The following OSBPL9 variants were observed in gnomAD, a reference collection of about 807,000 sequenced individuals.
The protein encoded by OSBPL9 is oxysterol-binding protein-related protein 9.
In OSBPL9, 40 loss-of-function variants were observed where a neutral mutation model predicts 106.6. The ratio of observed to expected loss-of-function variants is 0.38; its 90% CI spans 0.29 to 0.49. The LOEUF (loss-of-function observed/expected upper bound fraction) is 0.49. OSBPL9 is among the 20% of genes least tolerant of loss of function. The pLI, the probability that OSBPL9 is intolerant of heterozygous loss-of-function variation, is 0.97. For synonymous variants in OSBPL9, 269 were observed against 295.4 expected (o/e 0.91, Z 0.92); for missense variants, 609 against 887.2 (o/e 0.69, Z 3.98).
At chr1:51,616,003 G>GTTTTTTTTTTT (rs764823727), upstream of OSBPL9, among the ~76,000 whole-genome samples, 6 of 104,506 alleles carry the variant, frequency 5.7e-5, no homozygotes, top group Admixed American at 1.2e-4. Flanking sequence ...AAATCCTTTG[G>GTTTTTTTTTTT]TTTTTTTTTT....
intron 3 of OSBPL9, among the ~76,000 whole-genome samples, chr1:51,711,988 A>G (rs1363809873): frequency 1.2e-4 from 17 of 138,712 alleles, no homozygotes; most frequent in East Asian, 6.7e-4. Context: ...AGGCAGAGAC[A>G]CTCCTCACTT....
At chr1:51,717,260 C>T (rs1023257593) in intron 4 of OSBPL9, among the ~76,000 whole-genome samples, 2 of 152,208 alleles carry the variant, frequency 1.3e-5, no homozygotes, top group African/African-American at 4.8e-5. Context: ...AGCCACCATT[C>T]CCAGCCATGT....
chr1:51,616,854 TTACTC>T (rs1376996413), upstream of OSBPL9: 8 of 422,066 alleles, frequency 1.9e-5, no homozygotes, highest in African/African-American at 4.0e-5. Context: ...TCTTTTTTCT[TTACTC>T]TAATCCCATG....
At chr1:51,682,686 G>C (rs867975916) in intron 3 of OSBPL9, among the ~76,000 whole-genome samples, 1 of 151,050 alleles carries the variant, frequency 6.6e-6, no homozygotes, top group African/African-American at 2.4e-5. Context: ...GAACCCAGGA[G>C]GGGGAAGTTG....
chr1:51,739,212 A>G (rs1255993536), intron 4 of OSBPL9, among the ~76,000 whole-genome samples: 2 of 151,986 alleles, frequency 1.3e-5, no homozygotes, highest in Non-Finnish European at 1.5e-5. Context: ...AGAAAAGTAT[A>G]ATGGATTTGG....
At chr1:51,686,878 AAT>A (rs1312948301) in intron 3 of OSBPL9, among the ~76,000 whole-genome samples, 2 of 152,324 alleles carry the variant, frequency 1.3e-5, no homozygotes, top group South Asian at 2.1e-4. Context: ...GAAACAAACC[AAT>A]ATGTTTTCTC....
intron 12 of OSBPL9, among the ~76,000 whole-genome samples, chr1:51,768,625 T>C (rs72900015): frequency 6.6e-6 from 1 of 152,380 alleles, no homozygotes; most frequent in African/African-American, 2.4e-5. Flanking sequence ...CAGTAAAAGC[T>C]TGATAATATG....
chr1:51,652,576 T>A (rs773841502), intron 2 of OSBPL9, among the ~76,000 whole-genome samples: 2 of 152,228 alleles, frequency 1.3e-5, no homozygotes, highest in Non-Finnish European at 2.9e-5. Context: ...TCTGAAATAT[T>A]GTTATTTTAA....
chr1:51,760,598 A>G (rs535349074), intron 9 of OSBPL9, 92 bp from the exon 10 acceptor site: 1 of 1,574,380 alleles, frequency 6.4e-7, no homozygotes, highest in East Asian at 2.3e-5. Flanking sequence ...AGCTACCCTC[A>G]GGATTTTGAA....
chr1:51,587,177 C>T (rs1645251433), intron 1 of OSBPL9, among the ~76,000 whole-genome samples: 1 of 152,126 alleles, frequency 6.6e-6, no homozygotes, highest in Non-Finnish European at 1.5e-5. Context: ...ACTGGCCTGG[C>T]CAACATGAGA....
chr1:51,521,397 T>C, the OSBPL9 span, among the ~76,000 whole-genome samples: 2 of 152,174 alleles, frequency 1.3e-5, no homozygotes, highest in Admixed American at 1.3e-4. Context: ...TCCTCTCAGA[T>C]GAATAAGGTG....
chr1:51,731,692 G>A (rs536151019), intron 4 of OSBPL9, among the ~76,000 whole-genome samples: 2 of 150,598 alleles, frequency 1.3e-5, no homozygotes, highest in South Asian at 4.2e-4. Context: ...CAGGAGAATC[G>A]CATAAACCCT....
chr1:51,738,458 T>C (rs141805951), intron 4 of OSBPL9, among the ~76,000 whole-genome samples: 11 of 152,122 alleles, frequency 7.2e-5, no homozygotes, highest in African/African-American at 2.6e-4. Flanking sequence ...AATTAGATTC[T>C]TTTATGAAAA....
the OSBPL9 span, chr1:51,569,854 G>C: frequency 6.6e-6 from 1 of 152,136 alleles, no homozygotes; most frequent in South Asian, 2.1e-4. Flanking sequence ...TTCCATACCT[G>C]TGCTGAAAGC....
chr1:51,717,675 CT>C (rs553384136), intron 4 of OSBPL9, among the ~76,000 whole-genome samples: 8,675 of 138,736 alleles, frequency 0.063, 276 homozygotes, highest in Middle Eastern at 0.13. Context: ...GTTAAAATGG[CT>C]TTTTTTTTTT....
At chr1:51,582,531 T>A (rs1016697730) in intron 1 of OSBPL9, among the ~76,000 whole-genome samples, 4 of 152,136 alleles carry the variant, frequency 2.6e-5, no homozygotes, top group Non-Finnish European at 5.9e-5. Context: ...GGTTTCACCA[T>A]GTTGGCCAGG....
At chr1:51,621,914 T>G (rs1195132739) in intron 1 of OSBPL9, among the ~76,000 whole-genome samples, 1 of 152,234 alleles carries the variant, frequency 6.6e-6, no homozygotes, top group African/African-American at 2.4e-5. Flanking sequence ...TTTTTTTTCT[T>G]TTGGGCAAGA....
At position 51,729,919 on chromosome 1, in the gene OSBPL9, C is replaced by T. The variant is rs547112374; in HGVS notation, c.319-15617C>T. 11 of 1,296,048 alleles carry T rather than the reference C, an allele frequency of 8.5e-6. 1 individual carries two copies. In the South Asian group the frequency reaches 1.4e-4, roughly 16 times the overall value. 80.3% of individuals were successfully genotyped at this position (1,296,048 alleles called of 1,614,324 possible). The stretch of plus-strand genomic sequence containing the variant: ...CGAGGGGAGAAGAAAAAGGGGTGCT[C>T]GGGAGCAGCCCCCGGCTACCTCCCC... On this transcript the variant is annotated intron_variant, in intron 4 of 23. Coordinates refer to ENST00000428468, the MANE Select transcript of OSBPL9 (RefSeq NM_024586.6). This position sits in a 1 kb window ranked among gnomAD's most constrained non-coding sequence, Gnocchi z 5.1.
At chr1:51,750,050 C>G (rs1668916670) in intron 7 of OSBPL9, 95 bp from the exon 8 acceptor site, 3 of 843,902 alleles carry the variant, frequency 3.6e-6, no homozygotes, top group East Asian at 2.7e-5. Flanking sequence ...GACTTAAACT[C>G]TATACATCTG....
Sources: allele counts gnomAD v4.1 joint callset (sites outside exome capture counted in the v4.1 genomes callset), GRCh38; gene constraint gnomAD v4.1.1; non-coding constraint Gnocchi (gnomAD v3.1); transcripts MANE v1.5; gene names NCBI Gene and HGNC (gene_info 2026-07-23, HGNC 2026-07-21).